Variants in ATP8A2 observed in about 807,000 individuals in gnomAD.
ATP8A2 encodes ATPase phospholipid transporting 8A2.
In ATP8A2, 100 loss-of-function variants were observed where a neutral mutation model predicts 165.6. The ratio of observed to expected loss-of-function variants is 0.60; its 90% CI spans 0.51 to 0.71. The LOEUF (loss-of-function observed/expected upper bound fraction) is 0.71. Ranked by LOEUF, ATP8A2 falls within the 30% of genes least tolerant of loss-of-function variation. The pLI, the probability that ATP8A2 is intolerant of heterozygous loss-of-function variation, is 0.00. For synonymous variants in ATP8A2, 543 were observed against 548.8 expected (o/e 0.99, Z 0.15); for missense variants, 1,227 against 1,479.5 (o/e 0.83, Z 2.80).
At chr13:25,583,510 G>A (rs1246163810) in intron 23 of ATP8A2, among the ~76,000 whole-genome samples, 1 of 152,174 alleles carries the variant, frequency 6.6e-6, no homozygotes, top group Non-Finnish European at 1.5e-5. Flanking sequence ...ACTACCTTCA[G>A]TGTGTTCTTG....
chr13:25,971,176 C>T (rs915485666), intron 35 of ATP8A2, among the ~76,000 whole-genome samples: 1 of 151,866 alleles, frequency 6.6e-6, no homozygotes, highest in East Asian at 1.9e-4. Flanking sequence ...CTCAGTGACC[C>T]CCTCCCATTT....
intron 24 of ATP8A2, among the ~76,000 whole-genome samples, chr13:25,631,500 T>C (rs2041240223): frequency 6.6e-6 from 1 of 152,156 alleles, no homozygotes; most frequent in Non-Finnish European, 1.5e-5. Flanking sequence ...TCATGTAAAC[T>C]TTATGAAACA....
intron 27 of ATP8A2, among the ~76,000 whole-genome samples, chr13:25,794,116 T>G (rs1392192922): frequency 6.6e-6 from 1 of 152,240 alleles, no homozygotes; most frequent in African/African-American, 2.4e-5. Flanking sequence ...ACAGAGGCTC[T>G]CAAGGAGTTT....
chr13:25,764,872 G>A (rs1593311278), intron 25 of ATP8A2, among the ~76,000 whole-genome samples: 1 of 152,140 alleles, frequency 6.6e-6, no homozygotes, highest in East Asian at 1.9e-4. Flanking sequence ...ATCTACAATC[G>A]AGATCCAGCC....
At chr13:25,734,718 A>T (rs1456352583) in intron 25 of ATP8A2, among the ~76,000 whole-genome samples, 1 of 152,150 alleles carries the variant, frequency 6.6e-6, no homozygotes, top group African/African-American at 2.4e-5. Context: ...AGCTCACTGC[A>T]ACCCCCGGCC....
At chr13:25,877,657 A>G (rs764751161) in intron 33 of ATP8A2, among the ~76,000 whole-genome samples, 5 of 152,156 alleles carry the variant, frequency 3.3e-5, no homozygotes, top group Non-Finnish European at 7.4e-5. Context: ...TCCTTAGAGC[A>G]AGTGCCTTTC....
chr13:25,784,644 T>A (rs78269202), intron 27 of ATP8A2, among the ~76,000 whole-genome samples: 4,322 of 152,290 alleles, frequency 0.028, 191 homozygotes, highest in African/African-American at 0.098. Flanking sequence ...AGAGAAGATT[T>A]CCTAAGTAGC....
At chr13:25,504,354 TG>T (rs2036954117) in intron 2 of ATP8A2, among the ~76,000 whole-genome samples, 1 of 152,168 alleles carries the variant, frequency 6.6e-6, no homozygotes. Flanking sequence ...CTATTTCGTA[TG>T]TTTTTTTCAG....
At chr13:25,651,353 G>T (rs2137630700) in intron 24 of ATP8A2, among the ~76,000 whole-genome samples, 1 of 151,972 alleles carries the variant, frequency 6.6e-6, no homozygotes, top group East Asian at 1.9e-4. Context: ...TGAGGCAGGA[G>T]AATCACTTGA....
intron 33 of ATP8A2, among the ~76,000 whole-genome samples, chr13:25,952,976 A>G (rs1191147323): frequency 6.6e-6 from 1 of 152,198 alleles, no homozygotes; most frequent in Non-Finnish European, 1.5e-5. Context: ...CAATACAAAG[A>G]AGCTCCCTTG....
At position 25,750,046 on chromosome 13, in the gene ATP8A2, AT is replaced by A. The variant is rs1347257494; in HGVS notation, c.2385-18999del. 2.0e-5 allele frequency among the ~76,000 whole-genome samples: 3 copies of A among 152,210 alleles called. No homozygotes were observed. The highest frequency in any genetic ancestry group is 4.4e-5 in the Non-Finnish European group (3 of 68,038). The stretch of plus-strand genomic sequence containing the variant: ...AAAACGAAGAAGAAGAATTATTTGC[AT>A]GTATGTGAGCTCCTGTTTGTATACG... On this transcript the variant is annotated intron_variant, in intron 25 of 36. Coordinates refer to ENST00000381655, the MANE Select transcript of ATP8A2 (RefSeq NM_016529.6). The surrounding 1 kb of genome is among the most constrained non-coding windows in gnomAD (Gnocchi z 4.3).
intron 33 of ATP8A2, among the ~76,000 whole-genome samples, chr13:25,916,569 C>T (rs1274347730): frequency 6.6e-6 from 1 of 152,186 alleles, no homozygotes; most frequent in African/African-American, 2.4e-5. Context: ...AAAGTTATCG[C>T]GTCGGCTGTG....
At chr13:25,427,319 C>A (rs1176294615) in intron 1 of ATP8A2, among the ~76,000 whole-genome samples, 1 of 151,904 alleles carries the variant, frequency 6.6e-6, no homozygotes, top group Non-Finnish European at 1.5e-5. Flanking sequence ...CCCATCACCC[C>A]CAGATGGGAC....
intron 33 of ATP8A2, among the ~76,000 whole-genome samples, chr13:25,939,732 C>G (rs1013618525): frequency 1.3e-5 from 2 of 152,162 alleles, no homozygotes; most frequent in African/African-American, 2.4e-5. Context: ...CATCCGATTC[C>G]CCGACTCACA....
intron 2 of ATP8A2, among the ~76,000 whole-genome samples, chr13:25,504,135 C>T (rs1318291335): frequency 6.6e-6 from 1 of 152,188 alleles, no homozygotes; most frequent in Non-Finnish European, 1.5e-5. Context: ...TGGAAAGTTG[C>T]TCATTGGTAT....
chr13:25,878,970 G>A (rs1221042700), intron 33 of ATP8A2, among the ~76,000 whole-genome samples: 1 of 152,178 alleles, frequency 6.6e-6, no homozygotes, highest in East Asian at 1.9e-4. Flanking sequence ...AGCATTTATA[G>A]CATTCTACCA....
At chr13:25,438,164 G>T (rs1222605725) in intron 1 of ATP8A2, among the ~76,000 whole-genome samples, 1 of 152,110 alleles carries the variant, frequency 6.6e-6, no homozygotes, top group Non-Finnish European at 1.5e-5. Flanking sequence ...AAATGAGGAA[G>T]GGTCTGGGTA....
chr13:25,388,867 G>A (rs529704282), intron 1 of ATP8A2, among the ~76,000 whole-genome samples: 14 of 152,272 alleles, frequency 9.2e-5, no homozygotes, highest in African/African-American at 3.4e-4. Context: ...ATGAAACACA[G>A]GCTGAAGGAA....
intron 35 of ATP8A2, among the ~76,000 whole-genome samples, chr13:25,990,204 A>T (rs905843620): frequency 7.0e-6 from 1 of 142,070 alleles, no homozygotes; most frequent in South Asian, 2.2e-4. Flanking sequence ...TTCAACAAAT[A>T]GTTTTTGAGC....
Sources: gnomAD v4.1 joint callset for allele counts (sites outside exome capture counted in the v4.1 genomes callset) on GRCh38, gnomAD v4.1.1 for gene constraint, Gnocchi (gnomAD v3.1) non-coding constraint, MANE v1.5 for transcripts, NCBI Gene and HGNC (gene_info 2026-07-23, HGNC 2026-07-21) for gene names.